Variants in CFAP221 observed in about 807,000 individuals in gnomAD.
The protein encoded by CFAP221 is cilia- and flagella-associated protein 221.
CFAP221 carries 97 observed loss-of-function variants against 113.1 expected under a neutral mutation model. The ratio of observed to expected loss-of-function variants is 0.86; its 90% CI spans 0.73 to 1.02. CFAP221 has a LOEUF of 1.02. Ranked by LOEUF, CFAP221 falls within the 50% of genes least tolerant of loss-of-function variation. The pLI is 0.00. For synonymous variants in CFAP221, 331 were observed against 354.4 expected (o/e 0.93, Z 0.74); for missense variants, 1,025 against 1,013.4 (o/e 1.01, Z -0.16).
At chr2:119,634,547 A>G (rs1686997548) in intron 19 of CFAP221, among the ~76,000 whole-genome samples, 1 of 152,250 alleles carries the variant, frequency 6.6e-6, no homozygotes, top group Non-Finnish European at 1.5e-5. Flanking sequence ...TATTCACAAT[A>G]GCTAAGATGT....
chr2:119,561,140 A>G (rs1681218497), intron 5 of CFAP221, among the ~76,000 whole-genome samples: 1 of 152,050 alleles, frequency 6.6e-6, no homozygotes, highest in African/African-American at 2.4e-5. Context: ...AATACAAAAA[A>G]TTAGCCAGGC....
Position 119,616,205 on chromosome 2 carries a change from T to C in CFAP221, c.1410+496T>C, listed in dbSNP as rs558850702. On this transcript the variant is annotated intron_variant, in intron 14 of 23. Coordinates refer to ENST00000413369, the MANE Select transcript of CFAP221 (RefSeq NM_001271049.2). ...CATATCCATCACTTTAAACATTCAATACATGGCTTTTGGTAACTGCTTCTT... is the reference window on the plus strand; with the variant it reads ...CATATCCATCACTTTAAACATTCAACACATGGCTTTTGGTAACTGCTTCTT... 3.3e-5 allele frequency among the ~76,000 whole-genome samples: 5 copies of C among 152,394 alleles called. No homozygotes were observed. The South Asian group carries it at 6.2e-4, about 19-fold the overall frequency.
chr2:119,608,003 C>A (rs1286014019), intron 11 of CFAP221, among the ~76,000 whole-genome samples: 1 of 152,150 alleles, frequency 6.6e-6, no homozygotes, highest in East Asian at 1.9e-4. Context: ...CATATCTTTT[C>A]AGTTCTCTTA....
intron 21 of CFAP221, among the ~76,000 whole-genome samples, chr2:119,643,338 T>A (rs1217537961): frequency 6.6e-6 from 1 of 152,266 alleles, no homozygotes; most frequent in African/African-American, 2.4e-5. Flanking sequence ...GCAGCTCATT[T>A]ATTTCTTTAC....
intron 13 of CFAP221, among the ~76,000 whole-genome samples, chr2:119,612,529 A>G (rs1242755793): frequency 2.0e-5 from 3 of 152,214 alleles, no homozygotes; most frequent in Non-Finnish European, 4.4e-5. Context: ...CCCATGATTC[A>G]GTTATCTCTA....
At position 119,604,717 on chromosome 2, in the gene CFAP221, C is replaced by T. The variant is rs183561054; in HGVS notation, c.837C>T (p.Asn279=). The change falls in exon 9 of 24, where the codon AAC becomes AAT. Residue 279 remains asparagine (N), a synonymous_variant. Transcript: ENST00000413369. Reference sequence around the variant, plus strand: ...TGAATACCCTTTCTAAGAAAGTAAACGTTCCTCCAGAAAAAGCAATGATGC... The same window carrying T: ...TGAATACCCTTTCTAAGAAAGTAAATGTTCCTCCAGAAAAAGCAATGATGC... The part of the protein sequence containing the change: ...ERLNTLSKKV[N]VPPEKAMMHI... 5.1e-5 allele frequency: 79 copies of T among 1,550,938 alleles called. No individual in the cohort carries two copies. The highest frequency in any genetic ancestry group is 1.7e-4 in the Middle Eastern group (1 of 5,768).
At chr2:119,580,780 G>A (rs144749992) in intron 6 of CFAP221, 1 of 152,410 alleles carries the variant, frequency 6.6e-6, no homozygotes, top group Non-Finnish European at 1.5e-5. Flanking sequence ...TCCAGGTTTT[G>A]AAGCAGTCAG....
chr2:119,605,354 T>C (rs1028230964), intron 11 of CFAP221, 65 bp downstream of exon 11: 1 of 1,257,072 alleles, frequency 8.0e-7, no homozygotes, highest in Non-Finnish European at 1.2e-6. Flanking sequence ...TGATCTTTTA[T>C]AAATGAGAGA....
At chr2:119,615,861 A>G in intron 14 of CFAP221, 152 bp downstream of exon 14, 3 of 599,262 alleles carry the variant, frequency 5.0e-6, no homozygotes, top group Non-Finnish European at 5.7e-6. Flanking sequence ...TTTTTAGTAT[A>G]TTTATAGAGC....
At chr2:119,553,000 A>T (rs144775241) in intron 3 of CFAP221, among the ~76,000 whole-genome samples, 396 of 152,330 alleles carry the variant, frequency 2.6e-3, no homozygotes, top group African/African-American at 9.3e-3. Context: ...TCCCCATTAC[A>T]TGCCAAACAA....
At chr2:119,605,017 C>T in intron 10 of CFAP221, 30 bp downstream of exon 10, 1 of 1,594,074 alleles carries the variant, frequency 6.3e-7, no homozygotes, top group Non-Finnish European at 8.6e-7. Context: ...TAAAGCAGCC[C>T]CTGAGCAGAA....
chr2:119,570,168 A>T (rs537675805), intron 6 of CFAP221, among the ~76,000 whole-genome samples: 1 of 152,346 alleles, frequency 6.6e-6, no homozygotes, highest in Non-Finnish European at 1.5e-5. Context: ...ATTAAGTCTC[A>T]GTCTCTTAGT....
intron 13 of CFAP221, among the ~76,000 whole-genome samples, chr2:119,614,991 A>C (rs1019213020): frequency 2.0e-5 from 3 of 152,216 alleles, no homozygotes; most frequent in African/African-American, 7.2e-5. Context: ...TGTCTGTATA[A>C]CTGATCTTCT....
Position 119,645,130 on chromosome 2 carries a change from GTC to G in CFAP221, c.2226-1812_2226-1811del, listed in dbSNP as rs375788106. ...TCTCTCTCTCTCTCTGTCTCTGTCT[GTC>G]TCTCTCTCTCTCTCTGTCTTTCTTT... On this transcript the variant is annotated intron_variant, in intron 21 of 23. Coordinates refer to ENST00000413369, the MANE Select transcript of CFAP221 (RefSeq NM_001271049.2). Among the ~76,000 whole-genome samples the G allele has an allele frequency of 5.1e-3, 756 of 146,800 alleles. 5 individuals are homozygous for G. Among genetic ancestry groups the G allele is most frequent in the African/African-American group, 0.017 (671 of 40,190 alleles).
chr2:119,652,532 A>G (rs1007274783), intron 23 of CFAP221, among the ~76,000 whole-genome samples: 2 of 152,228 alleles, frequency 1.3e-5, no homozygotes, highest in African/African-American at 4.8e-5. Context: ...ATGAGATGCC[A>G]GCCATGGAAG....
At chr2:119,562,335 C>T (rs985883855) in intron 6 of CFAP221, among the ~76,000 whole-genome samples, 1 of 150,036 alleles carries the variant, frequency 6.7e-6, no homozygotes, top group African/African-American at 2.5e-5. Context: ...GGTCAATTAA[C>T]TGAAAGGTGC....
At chr2:119,578,092 T>C (rs1029711722) in intron 6 of CFAP221, among the ~76,000 whole-genome samples, 6 of 152,226 alleles carry the variant, frequency 3.9e-5, no homozygotes, top group African/African-American at 1.4e-4. Context: ...AGTCTGGTTC[T>C]GTCCTGGTAG....
At chr2:119,611,616 T>C in intron 12 of CFAP221, 37 bp from the exon 13 acceptor site, 2 of 1,547,586 alleles carry the variant, frequency 1.3e-6, no homozygotes, top group South Asian at 1.2e-5. Flanking sequence ...TACGCATTTA[T>C]ATTCAACTTA....
intron 6 of CFAP221, among the ~76,000 whole-genome samples, chr2:119,574,541 T>C (rs1053772055): frequency 6.6e-6 from 1 of 152,194 alleles, no homozygotes; most frequent in Admixed American, 6.5e-5. Flanking sequence ...TTTTTGGCCC[T>C]GGAGAGACAC....
Sources: allele counts gnomAD v4.1 joint callset (sites outside exome capture counted in the v4.1 genomes callset), GRCh38; gene constraint gnomAD v4.1.1; transcripts MANE v1.5; gene names NCBI Gene and HGNC (gene_info 2026-07-23, HGNC 2026-07-21).